RANBP17: variants seen among roughly 807,000 people sequenced by gnomAD.
The protein encoded by RANBP17 is RAN binding protein 17, also known as ran-binding protein 17.
In RANBP17, 158 loss-of-function variants were observed where a neutral mutation model predicts 141.2. The observed-to-expected ratio is 1.12, with a 90% CI of 0.98 to 1.28. The LOEUF (loss-of-function observed/expected upper bound fraction) is 1.28. Ranked by LOEUF, RANBP17 falls within the 50% of genes most tolerant of loss-of-function variation. RANBP17 has a pLI of 0.00. For synonymous variants in RANBP17, 430 were observed against 450.0 expected, an observed-to-expected ratio of 0.96 and a Z score of 0.56; for missense variants, 1,438 against 1,290.7, an observed-to-expected ratio of 1.11 and a Z score of -1.75.
At chr5:170,923,428 T>C (rs568354248) in intron 11 of RANBP17, among the ~76,000 whole-genome samples, 1 of 152,322 alleles carries the variant, frequency 6.6e-6, no homozygotes, top group South Asian at 2.1e-4. Context: ...ATAGTATGAG[T>C]TCTTTAAGTG....
intron 14 of RANBP17, among the ~76,000 whole-genome samples, chr5:171,139,901 C>T (rs1246284776): frequency 6.6e-6 from 1 of 152,156 alleles, no homozygotes; most frequent in Non-Finnish European, 1.5e-5. Flanking sequence ...CCTTACTGGC[C>T]TAGCCTCAAT....
At chr5:170,938,654 T>G (rs1335343826) in intron 12 of RANBP17, among the ~76,000 whole-genome samples, 1 of 152,212 alleles carries the variant, frequency 6.6e-6, no homozygotes, top group Non-Finnish European at 1.5e-5. Flanking sequence ...AAACTTTTTT[T>G]ATTGAAAACT....
At chr5:170,903,723 G>C in intron 5 of RANBP17, 3 of 306,270 alleles carry the variant, frequency 9.8e-6, no homozygotes, top group Non-Finnish European at 2.0e-5. Flanking sequence ...TAGCAAAGTC[G>C]ACCTCATAGT....
intron 12 of RANBP17, among the ~76,000 whole-genome samples, chr5:170,938,723 A>C (rs928626185): frequency 2.0e-5 from 3 of 152,218 alleles, no homozygotes; most frequent in Admixed American, 2.0e-4. Context: ...CTGAGGAAAG[A>C]GTTGGCTAAC....
intron 14 of RANBP17, among the ~76,000 whole-genome samples, chr5:171,114,415 A>G (rs1311161091): frequency 1.3e-5 from 2 of 152,150 alleles, no homozygotes; most frequent in Non-Finnish European, 2.9e-5. Context: ...AGGAGCTTAC[A>G]GTACATACCA....
chr5:170,987,454 G>C lies in RANBP17; in HGVS notation c.1710+19077G>C, dbSNP rs1581324209. Among the ~76,000 whole-genome samples the C allele has an allele frequency of 3.3e-5, 5 of 151,370 alleles. No individual in the cohort carries two copies. In the South Asian group the frequency reaches 1.0e-3, roughly 31 times the overall value. On this transcript the variant is annotated intron_variant, in intron 14 of 27. Transcript: ENST00000523189. ...AAGTTAATGTACATACTGCTAGATA[G>C]TTTTATTGTTCAGGGATTTGTTATT...
intron 12 of RANBP17, among the ~76,000 whole-genome samples, chr5:170,938,658 G>C (rs1254278538): frequency 6.6e-6 from 1 of 152,092 alleles, no homozygotes; most frequent in Non-Finnish European, 1.5e-5. Flanking sequence ...TTTTTTTATT[G>C]AAAACTTTGT....
At chr5:171,138,479 C>G (rs1276886468) in intron 14 of RANBP17, among the ~76,000 whole-genome samples, 1 of 151,274 alleles carries the variant, frequency 6.6e-6, no homozygotes, top group African/African-American at 2.4e-5. Context: ...GATTTTATAC[C>G]CTCTTGCAGG....
chr5:170,950,870 T>G (rs374975908), intron 12 of RANBP17, among the ~76,000 whole-genome samples: 1 of 152,096 alleles, frequency 6.6e-6, no homozygotes, highest in Non-Finnish European at 1.5e-5. Flanking sequence ...GTGGTATATA[T>G]ACATAGTAGA....
intron 14 of RANBP17, among the ~76,000 whole-genome samples, chr5:171,034,116 T>C (rs1415514618): frequency 6.6e-6 from 1 of 151,952 alleles, no homozygotes; most frequent in Non-Finnish European, 1.5e-5. Flanking sequence ...CTCTAAAAAA[T>C]AATAATAAAT....
rs934513041 is a variant in RANBP17 at position 171,292,647 on chromosome 5, G to A, written c.2944-1236G>A. ...CCCTCTTTTGGGGAAAGGAGTTCTG[G>A]AGCTGTGGGAACAGAAGAGCTTAGA... On this transcript the variant is annotated intron_variant, in intron 25 of 27. Coordinates refer to ENST00000523189, the MANE Select transcript of RANBP17 (RefSeq NM_022897.5). Among the ~76,000 whole-genome samples the A allele has an allele frequency of 2.6e-5, 4 of 152,278 alleles. No homozygotes were observed. In the South Asian group the frequency reaches 8.3e-4, roughly 32 times the overall value.
intron 14 of RANBP17, chr5:171,029,152 C>G (rs1037065523): frequency 1.1e-4 from 24 of 215,446 alleles, no homozygotes; most frequent in African/African-American, 5.5e-4. Context: ...TAGGATGCAC[C>G]TAAACTATTG....
chr5:171,264,197 G>A (rs1183319505), intron 24 of RANBP17, among the ~76,000 whole-genome samples: 1 of 152,176 alleles, frequency 6.6e-6, no homozygotes, highest in South Asian at 2.1e-4. Context: ...TAAGCTATGA[G>A]GACGCAAAGG....
At chr5:171,164,612 C>G (rs766413722) in intron 14 of RANBP17, among the ~76,000 whole-genome samples, 1 of 152,074 alleles carries the variant, frequency 6.6e-6, no homozygotes, top group Non-Finnish European at 1.5e-5. Context: ...AAAATAAATA[C>G]GGCTAAGAAA....
At chr5:170,985,056 CACAG>C (rs924771085) in intron 14 of RANBP17, among the ~76,000 whole-genome samples, 2 of 148,766 alleles carry the variant, frequency 1.3e-5, no homozygotes, top group Non-Finnish European at 3.0e-5. Flanking sequence ...CACAGACACA[CACAG>C]ACACATATAC....
chr5:171,121,007 G>A (rs150199331), intron 14 of RANBP17, among the ~76,000 whole-genome samples: 174 of 152,248 alleles, frequency 1.1e-3, no homozygotes, highest in African/African-American at 3.9e-3. Flanking sequence ...TGTAATCCAC[G>A]CTAGTCGTGT....
At chr5:170,986,435 T>A (rs6891954) in intron 14 of RANBP17, among the ~76,000 whole-genome samples, 1 of 151,646 alleles carries the variant, frequency 6.6e-6, no homozygotes, top group South Asian at 2.1e-4. Flanking sequence ...TTAAAATCAC[T>A]AAACAAGTAG....
chr5:171,047,014 C>CTTTTT (rs35304788), intron 14 of RANBP17, among the ~76,000 whole-genome samples: 4 of 97,786 alleles, frequency 4.1e-5, no homozygotes, highest in Non-Finnish European at 5.8e-5. Flanking sequence ...TTTATTTTGC[C>CTTTTT]TTTTTTTTTT....
intron 14 of RANBP17, among the ~76,000 whole-genome samples, chr5:171,035,331 A>G (rs529200008): frequency 3.7e-4 from 56 of 152,200 alleles, no homozygotes; most frequent in Non-Finnish European, 7.6e-4. Flanking sequence ...GAAATTAAAC[A>G]TGATACCTTA....
Sources: allele counts gnomAD v4.1 joint callset (sites outside exome capture counted in the v4.1 genomes callset), GRCh38; gene constraint gnomAD v4.1.1; transcripts MANE v1.5; gene names NCBI Gene and HGNC (gene_info 2026-07-23, HGNC 2026-07-21).